The following WWOX variants were observed in gnomAD, a reference collection of about 807,000 sequenced individuals.
WWOX encodes the protein WW domain-containing oxidoreductase.
In WWOX, 69 loss-of-function variants were observed where a neutral mutation model predicts 46.2. That is an observed-to-expected ratio of 1.49 (90% CI 1.23 to 1.82). The LOEUF (loss-of-function observed/expected upper bound fraction) is 1.82, where lower values mean the gene tolerates loss of function less well. Ranked by LOEUF, WWOX falls within the 40% of genes most tolerant of loss-of-function variation. WWOX has a pLI of 0.00. For missense variants in WWOX, 919 were observed against 542.6 expected, an observed-to-expected ratio of 1.69 and a Z score of -6.89; for synonymous variants, 359 against 202.6, an observed-to-expected ratio of 1.77 and a Z score of -6.56.
chr16:78,791,110 A>G (rs1344004914), intron 8 of WWOX, among the ~76,000 whole-genome samples: 1 of 151,354 alleles, frequency 6.6e-6, no homozygotes, highest in African/African-American at 2.4e-5. Context: ...AAGGAAGGGC[A>G]GGGAAGAAGG....
At chr16:78,277,499 A>G (rs56338047) in intron 5 of WWOX, among the ~76,000 whole-genome samples, 1,946 of 152,250 alleles carry the variant, frequency 0.013, 49 homozygotes, top group African/African-American at 0.042. Flanking sequence ...TGCCTGGGAC[A>G]AATAGAGGGA....
At chr16:78,330,889 G>A (rs2080740790) in intron 5 of WWOX, among the ~76,000 whole-genome samples, 1 of 152,186 alleles carries the variant, frequency 6.6e-6, no homozygotes, top group Non-Finnish European at 1.5e-5. Context: ...TGATATGCAT[G>A]TTCTTATTTT....
At chr16:78,847,792 AAAAG>A (rs1481925759) in intron 8 of WWOX, among the ~76,000 whole-genome samples, 3 of 152,184 alleles carry the variant, frequency 2.0e-5, no homozygotes, top group African/African-American at 7.2e-5. Flanking sequence ...AAGAAGAAGA[AAAAG>A]GAAAACAGTA....
intron 8 of WWOX, among the ~76,000 whole-genome samples, chr16:78,874,853 C>A (rs985594149): frequency 3.3e-5 from 5 of 151,986 alleles, no homozygotes; most frequent in African/African-American, 1.2e-4. Flanking sequence ...ACTGGACTTT[C>A]CTACAGCAAG....
At chr16:78,490,312 G>A (rs529776495) in intron 8 of WWOX, among the ~76,000 whole-genome samples, 19 of 148,658 alleles carry the variant, frequency 1.3e-4, no homozygotes, top group Admixed American at 5.4e-4. Context: ...ATAACTCAGC[G>A]TTTAGTAACT....
At chr16:78,544,243 T>C (rs1164874469) in intron 8 of WWOX, among the ~76,000 whole-genome samples, 1 of 152,230 alleles carries the variant, frequency 6.6e-6, no homozygotes, top group Admixed American at 6.5e-5. Flanking sequence ...TGACTATAAT[T>C]GTAAAACAGT....
At chr16:79,168,096 A>G (rs919414671) in intron 8 of WWOX, among the ~76,000 whole-genome samples, 2 of 152,194 alleles carry the variant, frequency 1.3e-5, no homozygotes, top group Admixed American at 6.5e-5. Context: ...ATTCCACTGC[A>G]TGGATATACC....
chr16:78,887,575 G>C (rs181432698), intron 8 of WWOX, among the ~76,000 whole-genome samples: 1 of 151,426 alleles, frequency 6.6e-6, no homozygotes, highest in Non-Finnish European at 1.5e-5. Flanking sequence ...CATTTTCTTC[G>C]GGAGTTGAAC....
chr16:78,474,653 G>A (rs1233098486), intron 8 of WWOX, among the ~76,000 whole-genome samples: 1 of 151,666 alleles, frequency 6.6e-6, no homozygotes, highest in African/African-American at 2.4e-5. Context: ...AGTCTATTCA[G>A]AGTTGTGCAA....
chr16:78,394,057 A>G (rs2082235224), intron 6 of WWOX, among the ~76,000 whole-genome samples: 1 of 152,330 alleles, frequency 6.6e-6, no homozygotes, highest in Non-Finnish European at 1.5e-5. Flanking sequence ...TGGGTGGGCT[A>G]TAAATTATAA....
chr16:78,303,131 T>C (rs955734342), intron 5 of WWOX, among the ~76,000 whole-genome samples: 8 of 152,228 alleles, frequency 5.3e-5, no homozygotes, highest in Non-Finnish European at 1.2e-4. Context: ...TTTTAAGGTA[T>C]AGAGTATTTG....
chr16:78,814,326 T>TA (rs1313220709), intron 8 of WWOX, among the ~76,000 whole-genome samples: 1 of 152,140 alleles, frequency 6.6e-6, no homozygotes, highest in Non-Finnish European at 1.5e-5. Flanking sequence ...TCCTTTTCCC[T>TA]AAAAAACTGG....
intron 5 of WWOX, among the ~76,000 whole-genome samples, chr16:78,263,372 C>CA (rs1388728635): frequency 1.3e-5 from 2 of 152,190 alleles, no homozygotes; most frequent in Non-Finnish European, 2.9e-5. Flanking sequence ...CATCCAGGGC[C>CA]ATGTGCTCAC....
At chr16:78,444,980 A>G (rs554636035) in intron 8 of WWOX, among the ~76,000 whole-genome samples, 24 of 152,196 alleles carry the variant, frequency 1.6e-4, no homozygotes, top group African/African-American at 4.8e-4. Flanking sequence ...TTTAAGCTCC[A>G]TAGTTCTTCT....
chr16:79,108,144 T>G (rs371615158), intron 8 of WWOX, among the ~76,000 whole-genome samples: 1 of 152,216 alleles, frequency 6.6e-6, no homozygotes, highest in Non-Finnish European at 1.5e-5. Context: ...ATTCATAAAA[T>G]AGGCACTCTG....
chr16:79,051,637 T>G (rs2550683), intron 8 of WWOX, among the ~76,000 whole-genome samples: 106,380 of 151,162 alleles, frequency 0.7, 37,607 homozygotes, highest in Admixed American at 0.77. Flanking sequence ...ATTTCTTTAG[T>G]GTTATCCTTT....
intron 6 of WWOX, among the ~76,000 whole-genome samples, chr16:78,417,389 G>C (rs1356592938): frequency 6.6e-6 from 1 of 152,056 alleles, no homozygotes; most frequent in African/African-American, 2.4e-5. Flanking sequence ...CACCATATCT[G>C]GCCTATGTTA....
intron 8 of WWOX, among the ~76,000 whole-genome samples, chr16:78,518,654 G>C (rs886715702): frequency 6.6e-6 from 1 of 152,138 alleles, no homozygotes; most frequent in Non-Finnish European, 1.5e-5. Context: ...ATTTATTTAA[G>C]AACTTTTTAT....
At chr16:78,136,167 T>G (rs1343967606) in intron 4 of WWOX, among the ~76,000 whole-genome samples, 2 of 152,198 alleles carry the variant, frequency 1.3e-5, no homozygotes, top group African/African-American at 4.8e-5. Flanking sequence ...GTGCCAAACT[T>G]GTTGTAACAT....
Sources: allele counts gnomAD v4.1 joint callset (sites outside exome capture counted in the v4.1 genomes callset), GRCh38; gene constraint gnomAD v4.1.1; transcripts MANE v1.5; gene names NCBI Gene and HGNC (gene_info 2026-07-23, HGNC 2026-07-21).